The following ZNF469 variants were observed in gnomAD, a reference collection of about 807,000 sequenced individuals.
ZNF469 encodes the protein zinc finger protein 469.
In ZNF469, 1 loss-of-function variant was observed where a neutral mutation model predicts 1.0. That is an observed-to-expected ratio of 1.00 (90% CI 0.35 to 4.73). The LOEUF (loss-of-function observed/expected upper bound fraction) is 4.73, where lower values mean the gene tolerates loss of function less well. ZNF469 is among the 30% of genes most tolerant of loss of function. ZNF469 has a pLI of 0.16. For synonymous variants in ZNF469, 2,703 were observed against 2,363.4 expected (o/e 1.14, Z -4.17); for missense variants, 6,100 against 5,356.3 (o/e 1.14, Z -4.33).
intron 1 of ZNF469, among the ~76,000 whole-genome samples, chr16:88,387,109 A>C (rs1422269350): frequency 6.6e-6 from 1 of 152,020 alleles, no homozygotes; most frequent in Non-Finnish European, 1.5e-5. Flanking sequence ...GTGTCCACCC[A>C]GGGGAGCGCC....
At chr16:88,280,418 G>A in the ZNF469 span, among the ~76,000 whole-genome samples, 2 of 151,980 alleles carry the variant, frequency 1.3e-5, no homozygotes, top group Non-Finnish European at 2.9e-5. Context: ...TCAGTACCTT[G>A]CACAGGTTAG....
At chr16:88,203,765 G>A in the ZNF469 span, among the ~76,000 whole-genome samples, 2 of 150,772 alleles carry the variant, frequency 1.3e-5, no homozygotes, top group East Asian at 1.9e-4. Context: ...TGTGTCTCTC[G>A]CTTTATAAAG....
At chr16:88,161,896 A>G in the ZNF469 span, among the ~76,000 whole-genome samples, 1 of 152,198 alleles carries the variant, frequency 6.6e-6, no homozygotes, top group African/African-American at 2.4e-5. Context: ...TGGAGTCCAC[A>G]TTTTTAAGTT....
chr16:88,151,404 T>A, the ZNF469 span, among the ~76,000 whole-genome samples: 1 of 152,210 alleles, frequency 6.6e-6, no homozygotes, highest in Non-Finnish European at 1.5e-5. The surrounding 1 kb of genome is among the most constrained non-coding windows in gnomAD (Gnocchi z 5.4). Context: ...TGTCAGAGAA[T>A]GAGTGTTTCC....
At chr16:88,297,417 T>G in the ZNF469 span, among the ~76,000 whole-genome samples, 1 of 152,208 alleles carries the variant, frequency 6.6e-6, no homozygotes, top group South Asian at 2.1e-4. Context: ...TTTTTTTGTT[T>G]TTTTGCACTC....
the ZNF469 span, among the ~76,000 whole-genome samples, chr16:88,200,560 C>T: frequency 4.6e-5 from 7 of 152,252 alleles, no homozygotes; most frequent in South Asian, 2.1e-4. Flanking sequence ...GAAGGCGCCA[C>T]GCCATCGGCC....
At chr16:88,353,419 G>A in the ZNF469 span, among the ~76,000 whole-genome samples, 1 of 152,112 alleles carries the variant, frequency 6.6e-6, no homozygotes, top group Non-Finnish European at 1.5e-5. Context: ...CCTCCGCTTG[G>A]GGCTCAGTCC....
At chr16:88,203,990 AC>A in the ZNF469 span, among the ~76,000 whole-genome samples, 7 of 151,612 alleles carry the variant, frequency 4.6e-5, no homozygotes, top group Non-Finnish European at 1.0e-4. Context: ...TGCCCCATGA[AC>A]CCCACAGAGT....
chr16:88,251,538 CTTTTTTTTTTTTTTTTTTTTTTTTT>C, the ZNF469 span, among the ~76,000 whole-genome samples: 2 of 51,290 alleles, frequency 3.9e-5, no homozygotes, highest in African/African-American at 9.6e-5. Context: ...TCCCTGCTGT[CTTTTTTTTTTTTTTTTTTTTTTTTT>C]TTTTTTTTTT....
chr16:88,160,989 A>G, the ZNF469 span, among the ~76,000 whole-genome samples: 8 of 152,168 alleles, frequency 5.3e-5, no homozygotes, highest in Admixed American at 5.2e-4. Context: ...TATTAAAAAT[A>G]CAAAAATTAG....
the ZNF469 span, among the ~76,000 whole-genome samples, chr16:88,301,257 C>T: frequency 1.3e-5 from 2 of 151,942 alleles, no homozygotes; most frequent in Admixed American, 6.5e-5. Flanking sequence ...CAGGTTCACA[C>T]CATTCTCCTG....
the ZNF469 span, among the ~76,000 whole-genome samples, chr16:88,239,233 T>TTTATAATC: frequency 6.6e-6 from 1 of 152,162 alleles, no homozygotes. Context: ...TTTTGTTCAT[T>TTTATAATC]TTATAATCCA....
the ZNF469 span, among the ~76,000 whole-genome samples, chr16:88,336,543 A>T: frequency 6.6e-6 from 1 of 151,652 alleles, no homozygotes. Context: ...TGAGACACTG[A>T]TGTGCCAATA....
At chr16:88,368,205 T>G in the ZNF469 span, among the ~76,000 whole-genome samples, 1 of 152,252 alleles carries the variant, frequency 6.6e-6, no homozygotes, top group Non-Finnish European at 1.5e-5. Flanking sequence ...TTCTGGACAG[T>G]GACCGGGTCT....
chr16:88,194,191 G>T, the ZNF469 span: 2 of 152,280 alleles, frequency 1.3e-5, no homozygotes, highest in South Asian at 4.1e-4. Context: ...CAGGCCTGGA[G>T]ATGGCACAGC....
chr16:88,330,151 T>C, the ZNF469 span, among the ~76,000 whole-genome samples: 1 of 152,248 alleles, frequency 6.6e-6, no homozygotes, highest in Non-Finnish European at 1.5e-5. Context: ...CATGCAATGA[T>C]GCTGTCATCA....
the ZNF469 span, among the ~76,000 whole-genome samples, chr16:88,107,793 C>T: frequency 6.6e-6 from 1 of 152,246 alleles, no homozygotes; most frequent in African/African-American, 2.4e-5. Context: ...GCTGCAGAAG[C>T]AGGAAGGACC....
the ZNF469 span, among the ~76,000 whole-genome samples, chr16:88,285,617 G>A: frequency 3.9e-5 from 6 of 152,268 alleles, no homozygotes; most frequent in African/African-American, 1.4e-4. Flanking sequence ...CACAGCTGTG[G>A]TCTGTCCATG....
intron 2 of ZNF469, among the ~76,000 whole-genome samples, chr16:88,426,827 T>A (rs7201175): frequency 2.0e-5 from 3 of 151,878 alleles, no homozygotes; most frequent in Non-Finnish European, 4.4e-5. Flanking sequence ...GAGGTTCAGG[T>A]TGAGCCTCTG....
Sources: allele counts gnomAD v4.1 joint callset (sites outside exome capture counted in the v4.1 genomes callset), GRCh38; gene constraint gnomAD v4.1.1; non-coding constraint Gnocchi (gnomAD v3.1); transcripts MANE v1.5; gene names NCBI Gene and HGNC (gene_info 2026-07-23, HGNC 2026-07-21).